Variants in WDR41 observed in about 807,000 individuals in gnomAD.
WDR41 encodes WD repeat domain 41, also known as WD repeat-containing protein 41.
In WDR41, 63 loss-of-function variants were observed where a neutral mutation model predicts 69.3. The observed-to-expected ratio is 0.91, with a 90% CI of 0.74 to 1.12. The LOEUF is 1.12. Ranked by LOEUF, WDR41 falls within the 50% of genes most tolerant of loss-of-function variation. The pLI is 0.00. For missense variants in WDR41, 543 were observed against 534.5 expected, an observed-to-expected ratio of 1.02 and a Z score of -0.16; for synonymous variants, 185 against 192.1, an observed-to-expected ratio of 0.96 and a Z score of 0.31.
intron 2 of WDR41, among the ~76,000 whole-genome samples, chr5:77,481,487 A>G (rs1801257925): frequency 1.3e-5 from 2 of 152,146 alleles, no homozygotes; most frequent in Admixed American, 1.3e-4. Context: ...CTGTGGGTAC[A>G]TATTAAAGCC....
At chr5:77,468,419 A>G (rs1418367800) in intron 2 of WDR41, among the ~76,000 whole-genome samples, 1 of 152,068 alleles carries the variant, frequency 6.6e-6, no homozygotes, top group East Asian at 1.9e-4. Context: ...CCCTCTAAAC[A>G]TCTTCTCTTT....
rs554174849 is a variant in WDR41, at chr5:77,517,890, G to C, written c.43-28318C>G. The stretch of plus-strand genomic sequence containing the variant: ...AATACTGTAGATAAAGACATTAGCA[G>C]CTCTTATATATTTTCATCTCATGTG... On this transcript the variant is annotated intron_variant, in intron 1 of 5. Coordinates refer to the WDR41 transcript ENST00000509971. Among the ~76,000 whole-genome samples, 213 of 152,136 alleles carry C rather than the reference G, an allele frequency of 1.4e-3. 1 individual carries two copies. The highest frequency in any genetic ancestry group is 4.7e-3 in the Admixed American group (72 of 15,270).
chr5:77,510,102 A>G (rs1377448430), intron 1 of WDR41, among the ~76,000 whole-genome samples: 1 of 152,182 alleles, frequency 6.6e-6, no homozygotes, highest in Non-Finnish European at 1.5e-5. Flanking sequence ...CATACCCAAG[A>G]CTGGGCAATT....
chr5:77,583,226 A>G, intron 1 of WDR41: 1 of 692,478 alleles, frequency 1.4e-6, no homozygotes, highest in Non-Finnish European at 2.4e-6. Flanking sequence ...TAGTAATTAA[A>G]AAAGCTACCC....
intron 1 of WDR41, among the ~76,000 whole-genome samples, chr5:77,616,819 C>T (rs1033085954): frequency 1.3e-5 from 2 of 152,168 alleles, no homozygotes; most frequent in African/African-American, 4.8e-5. Flanking sequence ...ATAGCAAGCA[C>T]AGAAATATCA....
At chr5:77,604,792 C>T (rs1221718676) in intron 1 of WDR41, among the ~76,000 whole-genome samples, 1 of 151,918 alleles carries the variant, frequency 6.6e-6, no homozygotes, top group Non-Finnish European at 1.5e-5. Context: ...ACATGAAATA[C>T]TACATAACTT....
chr5:77,611,653 GAA>G (rs1383537001), intron 1 of WDR41, among the ~76,000 whole-genome samples: 14 of 152,154 alleles, frequency 9.2e-5, no homozygotes, highest in African/African-American at 3.4e-4. Flanking sequence ...TGTGTAGAGG[GAA>G]ATTTATAGCA....
At chr5:77,464,002 A>G (rs930072617) in intron 3 of WDR41, among the ~76,000 whole-genome samples, 1 of 152,104 alleles carries the variant, frequency 6.6e-6, no homozygotes, top group Admixed American at 6.6e-5. Context: ...AATGATCAGG[A>G]AGGGAGGCTC....
intron 6 of WDR41, 33 bp downstream of exon 6, chr5:77,453,784 A>C: frequency 6.5e-7 from 1 of 1,535,760 alleles, no homozygotes; most frequent in Non-Finnish European, 9.0e-7. Context: ...TAGTCTGTCA[A>C]TCATAGTTCA....
intron 9 of WDR41, 34 bp downstream of exon 9, chr5:77,440,779 A>C: frequency 6.2e-7 from 1 of 1,602,164 alleles, no homozygotes; most frequent in Non-Finnish European, 8.5e-7. Flanking sequence ...TATATGTCAA[A>C]GGCAAGTTTA....
intron 1 of WDR41, among the ~76,000 whole-genome samples, chr5:77,591,775 T>A (rs903951133): frequency 4.6e-5 from 7 of 152,156 alleles, no homozygotes; most frequent in Non-Finnish European, 1.0e-4. Context: ...ATTTCAGTCA[T>A]TTGATATTTG....
At chr5:77,584,712 TA>T (rs926699581) in intron 1 of WDR41, among the ~76,000 whole-genome samples, 7 of 151,682 alleles carry the variant, frequency 4.6e-5, no homozygotes, top group African/African-American at 1.5e-4. Flanking sequence ...AACAAAACCA[TA>T]AAATGGGGCA....
chr5:77,527,688 T>G (rs1802469188), intron 1 of WDR41, among the ~76,000 whole-genome samples: 1 of 151,910 alleles, frequency 6.6e-6, no homozygotes, highest in Admixed American at 6.6e-5. Flanking sequence ...ATTGAGCATG[T>G]GTTGCAAAGC....
intron 9 of WDR41, among the ~76,000 whole-genome samples, chr5:77,439,163 A>AGCACCTGTCCTAGAATCATCCATTC: frequency 6.6e-6 from 1 of 152,302 alleles, no homozygotes; most frequent in South Asian, 2.1e-4. Context: ...AATTTTTGCA[A>AGCACCTGTCCTAGAATCATCCATTC]GCACCTGTCC....
At chr5:77,489,254 G>A (rs952125329) in intron 2 of WDR41, among the ~76,000 whole-genome samples, 3 of 151,932 alleles carry the variant, frequency 2.0e-5, no homozygotes, top group African/African-American at 4.8e-5. Flanking sequence ...CACCAGACAC[G>A]ACACCCTGAC....
At chr5:77,455,532 G>A (rs1561739597) in intron 5 of WDR41, among the ~76,000 whole-genome samples, 1 of 152,098 alleles carries the variant, frequency 6.6e-6, no homozygotes, top group Non-Finnish European at 1.5e-5. Context: ...CCTAGCCCAA[G>A]GTCACAGAGA....
At chr5:77,505,339 C>G (rs1387066166) in intron 1 of WDR41, among the ~76,000 whole-genome samples, 3 of 152,176 alleles carry the variant, frequency 2.0e-5, no homozygotes, top group African/African-American at 7.2e-5. Context: ...AGGACCTCTT[C>G]AAGGAGAACT....
chr5:77,486,769 T>C (rs1170867319), intron 2 of WDR41, among the ~76,000 whole-genome samples: 1 of 152,146 alleles, frequency 6.6e-6, no homozygotes, highest in Non-Finnish European at 1.5e-5. Flanking sequence ...CCAAGATCAG[T>C]TGCTCCTGGT....
intron 1 of WDR41, among the ~76,000 whole-genome samples, chr5:77,527,897 A>C (rs922040200): frequency 2.0e-5 from 3 of 151,784 alleles, no homozygotes; most frequent in Non-Finnish European, 4.4e-5. Flanking sequence ...AAAATATCAA[A>C]ACTTGTAAGG....
Sources: gnomAD v4.1 joint callset for allele counts (sites outside exome capture counted in the v4.1 genomes callset) on GRCh38, gnomAD v4.1.1 for gene constraint, MANE v1.5 for transcripts, NCBI Gene and HGNC (gene_info 2026-07-23, HGNC 2026-07-21) for gene names.